Variants in HERPUD2 observed in about 807,000 individuals in gnomAD.
The protein encoded by HERPUD2 is homocysteine-responsive endoplasmic reticulum-resident ubiquitin-like domain member 2 protein.
A neutral mutation model predicts 49.9 loss-of-function variants in HERPUD2; 13 were observed. That is an observed-to-expected ratio of 0.26 (90% CI 0.17 to 0.41). HERPUD2 has a LOEUF of 0.41. Ranked by LOEUF, HERPUD2 falls within the 10% of genes least tolerant of loss-of-function variation. The pLI, the probability that HERPUD2 is intolerant of heterozygous loss-of-function variation, is 1.00. For synonymous variants in HERPUD2, 172 were observed against 171.4 expected, an observed-to-expected ratio of 1.00 and a Z score of -0.03; for missense variants, 449 against 492.2, an observed-to-expected ratio of 0.91 and a Z score of 0.83.
In HERPUD2 at chr7:35,638,456, A is replaced by C. The variant is rs539809682; in HGVS notation, c.511T>G (p.Phe171Val). ...CCAGGTGGAGCAGCTTGCCCAGGAA[A>C]TTGGTTGTCTACATTTCTGCAAGAA... ...YVMQGNVDNQ[F>V]PGQAAPPGFP... The change falls in exon 6 of 9, where the codon TTT becomes GTT. Residue 171 changes from phenylalanine (F) to valine (V), a missense_variant. By Grantham distance (50) the Phe-to-Val change is conservative. Coordinates refer to ENST00000311350, the MANE Select transcript of HERPUD2 (RefSeq NM_022373.5). 14 of 1,613,300 alleles carry C rather than the reference A, an allele frequency of 8.7e-6. No homozygotes were observed. The African/African-American group carries it at 1.7e-4, about 20-fold the overall frequency.
At chr7:35,687,700 C>T (rs1277484215) in intron 2 of HERPUD2, among the ~76,000 whole-genome samples, 1 of 152,130 alleles carries the variant, frequency 6.6e-6, no homozygotes, top group Admixed American at 6.5e-5. Context: ...TATGTATATG[C>T]CATTATTGAA....
chr7:35,693,660 C>G (rs1562691322), intron 2 of HERPUD2, among the ~76,000 whole-genome samples: 2 of 151,998 alleles, frequency 1.3e-5, no homozygotes, highest in African/African-American at 4.8e-5. Context: ...TTCTTTGAGA[C>G]AGAGTCTCAC....
chr7:35,634,027 T>C (rs929122055), intron 8 of HERPUD2, among the ~76,000 whole-genome samples, 176 bp from the exon 9 acceptor site: 2 of 152,240 alleles, frequency 1.3e-5, no homozygotes, highest in Non-Finnish European at 2.9e-5. Flanking sequence ...AGGGGACAAC[T>C]GCCAATGCAA....
At chr7:35,668,448 A>T (rs1196423706) in intron 4 of HERPUD2, 1 of 152,944 alleles carries the variant, frequency 6.5e-6, no homozygotes, top group Non-Finnish European at 1.5e-5. Flanking sequence ...ACACAATTAC[A>T]TTTTACATAA....
At chr7:35,682,896 A>G (rs1396309161) in intron 2 of HERPUD2, among the ~76,000 whole-genome samples, 1 of 152,106 alleles carries the variant, frequency 6.6e-6, no homozygotes, top group Non-Finnish European at 1.5e-5. Context: ...GAAAAACAAC[A>G]AAACACTGGT....
intron 5 of HERPUD2, among the ~76,000 whole-genome samples, chr7:35,652,171 A>G (rs1178325713): frequency 6.6e-6 from 1 of 152,188 alleles, no homozygotes; most frequent in Admixed American, 6.5e-5. Flanking sequence ...CTACTGTCTT[A>G]AAGCCTATAA....
At chr7:35,667,312 C>T in intron 5 of HERPUD2, 122 bp downstream of exon 5, 1 of 914,440 alleles carries the variant, frequency 1.1e-6, no homozygotes, top group Non-Finnish European at 1.6e-6. Context: ...AATACAAAAT[C>T]AAATATATGA....
intron 2 of HERPUD2, among the ~76,000 whole-genome samples, chr7:35,674,404 T>TATATATATATAGAG (rs1785711309): frequency 5.2e-5 from 2 of 38,128 alleles, no homozygotes; most frequent in Non-Finnish European, 8.8e-5. Flanking sequence ...TATATATATA[T>TATATATATATAGAG]AGAGAGAGAG....
chr7:35,652,789 TGAA>T (rs1414299738), intron 5 of HERPUD2, among the ~76,000 whole-genome samples: 8 of 151,516 alleles, frequency 5.3e-5, no homozygotes, highest in Non-Finnish European at 1.0e-4. Flanking sequence ...CCTTCATAAA[TGAA>T]GGAGAAATAA....
At chr7:35,637,138 A>AAAAGAAAGAAAGAAAGAAAG (rs376749984) in intron 6 of HERPUD2, among the ~76,000 whole-genome samples, 11 of 135,798 alleles carry the variant, frequency 8.1e-5, no homozygotes, top group African/African-American at 2.4e-4. Flanking sequence ...GTCTCAAAAA[A>AAAAGAAAGAAAGAAAGAAAG]AAAGAAAGAA....
chr7:35,645,869 G>A (rs1224839528), intron 5 of HERPUD2, among the ~76,000 whole-genome samples: 1 of 152,154 alleles, frequency 6.6e-6, no homozygotes, highest in Non-Finnish European at 1.5e-5. Flanking sequence ...CCTCTAAGGA[G>A]GGCAAGTGGT....
chr7:35,665,840 T>A (rs1372298894), intron 5 of HERPUD2, among the ~76,000 whole-genome samples: 3 of 152,264 alleles, frequency 2.0e-5, no homozygotes, highest in Non-Finnish European at 4.4e-5. Context: ...AGAGAAATTA[T>A]TAATCTTTTA....
intron 2 of HERPUD2, among the ~76,000 whole-genome samples, chr7:35,689,797 A>T (rs1463920937): frequency 6.6e-6 from 1 of 152,194 alleles, no homozygotes; most frequent in Non-Finnish European, 1.5e-5. Flanking sequence ...GAGGGACACA[A>T]TCAGAGGTAT....
chr7:35,677,944 A>T (rs1312689251), intron 2 of HERPUD2, among the ~76,000 whole-genome samples: 2 of 152,360 alleles, frequency 1.3e-5, no homozygotes, highest in African/African-American at 4.8e-5. Context: ...CTGTAAGTTA[A>T]GAGCGATAAT....
intron 5 of HERPUD2, among the ~76,000 whole-genome samples, chr7:35,642,047 A>T (rs1784974959): frequency 6.6e-6 from 1 of 152,240 alleles, no homozygotes; most frequent in Non-Finnish European, 1.5e-5. Context: ...ATGGAAGAAA[A>T]TATTTGCAAA....
chr7:35,680,381 G>A (rs146929193), intron 2 of HERPUD2, among the ~76,000 whole-genome samples: 270 of 152,228 alleles, frequency 1.8e-3, no homozygotes, highest in African/African-American at 6.3e-3. Context: ...CTGCACTCTA[G>A]CCTGGGTGAC....
At chr7:35,658,525 C>T (rs1368469625) in intron 5 of HERPUD2, among the ~76,000 whole-genome samples, 1 of 152,186 alleles carries the variant, frequency 6.6e-6, no homozygotes, top group Non-Finnish European at 1.5e-5. Context: ...AATACCCTGA[C>T]TTGATCATTA....
At chr7:35,682,291 G>T (rs1785916570) in intron 2 of HERPUD2, among the ~76,000 whole-genome samples, 1 of 42,460 alleles carries the variant, frequency 2.4e-5, no homozygotes, top group Non-Finnish European at 4.7e-5. Context: ...ATACACACGT[G>T]TGTGTGTGTA....
chr7:35,676,458 C>G (rs536065908), intron 2 of HERPUD2, among the ~76,000 whole-genome samples: 13 of 152,294 alleles, frequency 8.5e-5, no homozygotes, highest in African/African-American at 3.1e-4. Context: ...TGACCTCTGT[C>G]TCTAATAGTA....
Sources: allele counts gnomAD v4.1 joint callset (sites outside exome capture counted in the v4.1 genomes callset), GRCh38; gene constraint gnomAD v4.1.1; transcripts MANE v1.5; gene names NCBI Gene and HGNC (gene_info 2026-07-23, HGNC 2026-07-21).